MCTP1: variants seen among roughly 807,000 people sequenced by gnomAD.
MCTP1 encodes the protein multiple C2 and transmembrane domain containing 1, also known as multiple C2 and transmembrane domain-containing protein 1.
In MCTP1, 69 loss-of-function variants were observed where a neutral mutation model predicts 120.6. That is an observed-to-expected ratio of 0.57 (90% CI 0.47 to 0.70). The LOEUF is 0.70. MCTP1 is among the 30% of genes least tolerant of loss of function. The pLI, the probability that MCTP1 is intolerant of heterozygous loss-of-function variation, is 0.00. For synonymous variants in MCTP1, 529 were observed against 493.1 expected, an observed-to-expected ratio of 1.07 and a Z score of -0.96; for missense variants, 1,203 against 1,248.8, an observed-to-expected ratio of 0.96 and a Z score of 0.55.
At chr5:94,758,390 G>C (rs990055557) in intron 19 of MCTP1, among the ~76,000 whole-genome samples, 1 of 152,156 alleles carries the variant, frequency 6.6e-6, no homozygotes, top group African/African-American at 2.4e-5. Context: ...AGGCTGCAGT[G>C]AGCTATGATT....
At chr5:94,876,403 C>A (rs1314435479) in intron 12 of MCTP1, among the ~76,000 whole-genome samples, 1 of 152,038 alleles carries the variant, frequency 6.6e-6, no homozygotes, top group Non-Finnish European at 1.5e-5. Context: ...GCACTATATT[C>A]TGCAAAGTTC....
At chr5:94,765,115 A>G (rs1772273644) in intron 19 of MCTP1, among the ~76,000 whole-genome samples, 1 of 152,176 alleles carries the variant, frequency 6.6e-6, no homozygotes, top group Non-Finnish European at 1.5e-5. Context: ...GTATAAATAT[A>G]TGGAAAGGAA....
intron 17 of MCTP1, among the ~76,000 whole-genome samples, chr5:94,862,917 A>C (rs570137174): frequency 1.1e-4 from 16 of 151,956 alleles, no homozygotes; most frequent in Admixed American, 5.9e-4. Context: ...AGAAACTTCT[A>C]AGTGTCAATA....
intron 1 of MCTP1, among the ~76,000 whole-genome samples, chr5:95,175,899 A>G (rs1342917175): frequency 6.6e-6 from 1 of 152,198 alleles, no homozygotes; most frequent in Non-Finnish European, 1.5e-5. Flanking sequence ...AAACAAAAAC[A>G]TAAAAAACTG....
chr5:95,018,748 T>C (rs914593248), intron 1 of MCTP1, among the ~76,000 whole-genome samples: 6 of 152,006 alleles, frequency 3.9e-5, no homozygotes, highest in African/African-American at 1.4e-4. Flanking sequence ...CCCACCCACA[T>C]CCAAATAGTT....
At chr5:95,140,692 CTAAAAAAAAAAAAA>C (rs1759838322) in intron 1 of MCTP1, among the ~76,000 whole-genome samples, 1 of 48,934 alleles carries the variant, frequency 2.0e-5, no homozygotes, top group Non-Finnish European at 3.7e-5. Context: ...CCTGTCCCTA[CTAAAAAAAAAAAAA>C]AAAAAAAAAA....
At chr5:94,715,629 A>G (rs1758941896) in intron 19 of MCTP1, among the ~76,000 whole-genome samples, 1 of 152,160 alleles carries the variant, frequency 6.6e-6, no homozygotes, top group African/African-American at 2.4e-5. Flanking sequence ...TGAGCATTAA[A>G]GCACCTAGAG....
chr5:95,278,761 G>A (rs569065799), intron 1 of MCTP1, among the ~76,000 whole-genome samples: 160 of 152,110 alleles, frequency 1.1e-3, no homozygotes, highest in South Asian at 4.6e-3. Context: ...TCGGGAGTTC[G>A]AGACGAGCCT....
chr5:94,889,996 T>A (rs1195497098), intron 11 of MCTP1, among the ~76,000 whole-genome samples: 2 of 152,188 alleles, frequency 1.3e-5, no homozygotes, highest in East Asian at 1.9e-4. Context: ...GTGGCTTTTT[T>A]AAAATTTATT....
Position 94,706,831 on chromosome 5 carries a change from A to T in MCTP1, c.*665T>A, listed in dbSNP as rs1431395693. ...GTAGAGATTTTAAGGTTTTAGATGG[A>T]ATGATTGATTGAAATTCTATAAAGA... On this transcript the variant is annotated 3_prime_UTR_variant, in exon 23 of 23. Transcript: ENST00000515393. 1 of 151,898 alleles carries T rather than the reference A, an allele frequency of 6.6e-6. No homozygotes were observed. Among genetic ancestry groups the T allele is most frequent in the Non-Finnish European group, 1.5e-5 (1 of 67,898 alleles). The allele number at this position is 151,898 out of a possible 1,614,324, so 9.4% of individuals were successfully genotyped here. A position where few individuals can be genotyped will look rare whatever the true frequency, so the allele number is the denominator to read the frequency against.
chr5:94,975,998 A>C (rs1160900550), intron 2 of MCTP1, among the ~76,000 whole-genome samples: 1 of 152,152 alleles, frequency 6.6e-6, no homozygotes, highest in African/African-American at 2.4e-5. Context: ...GAAGGAAGGA[A>C]TATGTATCAT....
intron 7 of MCTP1, among the ~76,000 whole-genome samples, chr5:94,919,741 A>C (rs1029985955): frequency 6.6e-6 from 1 of 152,164 alleles, no homozygotes; most frequent in African/African-American, 2.4e-5. Context: ...TCCCAGGCAA[A>C]GGCCTGTTCT....
intron 1 of MCTP1, among the ~76,000 whole-genome samples, chr5:95,162,430 A>T (rs771021217): frequency 6.6e-6 from 1 of 152,196 alleles, no homozygotes; most frequent in Non-Finnish European, 1.5e-5. Context: ...ACAGACTGTT[A>T]AATGGAAGAA....
intron 17 of MCTP1, among the ~76,000 whole-genome samples, chr5:94,866,622 A>T (rs145240663): frequency 2.1e-4 from 31 of 150,230 alleles, no homozygotes; most frequent in African/African-American, 7.1e-4. Context: ...ACTGACTACC[A>T]GCTAAGAGAA....
chr5:95,194,223 A>C (rs1750135523), intron 1 of MCTP1, among the ~76,000 whole-genome samples: 1 of 152,150 alleles, frequency 6.6e-6, no homozygotes, highest in Admixed American at 6.6e-5. Flanking sequence ...AAAATAAAGA[A>C]AAAAGAAAAG....
At chr5:95,271,824 T>C (rs1304518118) in intron 1 of MCTP1, among the ~76,000 whole-genome samples, 1 of 152,098 alleles carries the variant, frequency 6.6e-6, no homozygotes, top group African/African-American at 2.4e-5. Flanking sequence ...ATATAAAATA[T>C]TTTAAATTCA....
At chr5:94,804,324 T>C (rs1781823883) in intron 17 of MCTP1, among the ~76,000 whole-genome samples, 1 of 152,218 alleles carries the variant, frequency 6.6e-6, no homozygotes, top group Non-Finnish European at 1.5e-5. Context: ...CTCTTACCTA[T>C]AAAATGGAGA....
At chr5:95,245,625 A>G (rs1756678132) in intron 1 of MCTP1, among the ~76,000 whole-genome samples, 2 of 107,378 alleles carry the variant, frequency 1.9e-5, no homozygotes, top group Non-Finnish European at 4.5e-5. Context: ...CAAGATTAGA[A>G]AAAAAAAAAG....
At chr5:94,794,973 C>T (rs578130446) in intron 18 of MCTP1, among the ~76,000 whole-genome samples, 2 of 152,202 alleles carry the variant, frequency 1.3e-5, no homozygotes, top group East Asian at 1.9e-4. Context: ...ACTGGTGGTT[C>T]GGAGTATAAA....
Sources: allele counts gnomAD v4.1 joint callset (sites outside exome capture counted in the v4.1 genomes callset), GRCh38; gene constraint gnomAD v4.1.1; transcripts MANE v1.5; gene names NCBI Gene and HGNC (gene_info 2026-07-23, HGNC 2026-07-21).